Variants in C1QTNF3 observed in about 807,000 individuals in gnomAD.
The protein encoded by C1QTNF3 is C1q and TNF related 3.
In C1QTNF3, 26 loss-of-function variants were observed where a neutral mutation model predicts 32.6. That is an observed-to-expected ratio of 0.80 (90% CI 0.58 to 1.11). The LOEUF is 1.11. Ranked by LOEUF, C1QTNF3 falls within the 50% of genes least tolerant of loss-of-function variation. C1QTNF3 has a pLI of 0.00. For missense variants in C1QTNF3, 362 were observed against 398.2 expected, an observed-to-expected ratio of 0.91 and a Z score of 0.77; for synonymous variants, 155 against 146.0, an observed-to-expected ratio of 1.06 and a Z score of -0.44.
chr5:34,214,649 G>A, the C1QTNF3 span, among the ~76,000 whole-genome samples: 6 of 151,918 alleles, frequency 3.9e-5, no homozygotes, highest in African/African-American at 1.2e-4. Context: ...TCTCTTTATA[G>A]CAAAAACATA....
chr5:34,083,966 T>A, the C1QTNF3 span, among the ~76,000 whole-genome samples: 2 of 151,926 alleles, frequency 1.3e-5, no homozygotes, highest in South Asian at 2.1e-4. Context: ...TTTAAACCTC[T>A]GGGCAGTGTT....
the C1QTNF3 span, among the ~76,000 whole-genome samples, chr5:34,104,074 C>T: frequency 1.7e-5 from 2 of 118,540 alleles, no homozygotes; most frequent in African/African-American, 6.5e-5. Flanking sequence ...GAAGACCAAA[C>T]ATTTGGTATA....
chr5:34,035,813 A>AT, intron 1 of C1QTNF3, 55 bp from the exon 2 acceptor site: 1 of 1,358,552 alleles, frequency 7.4e-7, no homozygotes, highest in Non-Finnish European at 1.0e-6. Context: ...AGCAATTAGG[A>AT]TTTTTAAATT....
chr5:34,067,500 T>G, the C1QTNF3 span, among the ~76,000 whole-genome samples: 1 of 152,190 alleles, frequency 6.6e-6, no homozygotes, highest in South Asian at 2.1e-4. Context: ...ACATCTTACA[T>G]GAATGGCGGC....
chr5:34,125,534 A>G, the C1QTNF3 span, among the ~76,000 whole-genome samples: 20 of 152,064 alleles, frequency 1.3e-4, no homozygotes, highest in East Asian at 3.9e-3. Flanking sequence ...AGTTGTGAGG[A>G]GTTTCAGAAC....
the C1QTNF3 span, among the ~76,000 whole-genome samples, chr5:34,085,338 G>A: frequency 6.7e-6 from 1 of 150,296 alleles, no homozygotes; most frequent in African/African-American, 2.5e-5. Flanking sequence ...TTTCTATAAG[G>A]TATAAGAAGG....
the C1QTNF3 span, among the ~76,000 whole-genome samples, chr5:34,208,190 G>A: frequency 6.6e-6 from 1 of 152,210 alleles, no homozygotes; most frequent in African/African-American, 2.4e-5. Context: ...AAACTTGTCT[G>A]TAACACCTGA....
chr5:34,049,284 C>G, the C1QTNF3 span, among the ~76,000 whole-genome samples: 1 of 152,194 alleles, frequency 6.6e-6, no homozygotes, highest in Admixed American at 6.5e-5. Flanking sequence ...GCCTGAGTCT[C>G]AGCCCTGTAG....
the C1QTNF3 span, among the ~76,000 whole-genome samples, chr5:34,217,232 T>C: frequency 6.6e-6 from 1 of 152,170 alleles, no homozygotes. Flanking sequence ...TTTGAGGATA[T>C]GTTTATTAAC....
the C1QTNF3 span, among the ~76,000 whole-genome samples, chr5:34,182,474 C>T: frequency 1.2e-3 from 176 of 143,166 alleles, no homozygotes; most frequent in South Asian, 3.5e-3. Flanking sequence ...GAGACCATCA[C>T]AAATAAATAA....
At chr5:34,184,988 C>T in the C1QTNF3 span, among the ~76,000 whole-genome samples, 20 of 152,326 alleles carry the variant, frequency 1.3e-4, 1 homozygote, top group Admixed American at 3.3e-4. Context: ...TAGGTTTCAG[C>T]AAGCTACTGG....
chr5:34,068,376 C>A, the C1QTNF3 span, among the ~76,000 whole-genome samples: 1 of 151,928 alleles, frequency 6.6e-6, no homozygotes, highest in Admixed American at 6.6e-5. Flanking sequence ...GAGCTTTATA[C>A]TGTTTCTCCA....
chr5:34,130,051 A>G, the C1QTNF3 span, among the ~76,000 whole-genome samples: 1 of 151,718 alleles, frequency 6.6e-6, no homozygotes, highest in African/African-American at 2.4e-5. Context: ...GGCATCTGGG[A>G]GTTCATATGT....
the C1QTNF3 span, among the ~76,000 whole-genome samples, chr5:34,229,359 A>T: frequency 2.0e-5 from 3 of 152,084 alleles, no homozygotes. Flanking sequence ...AGCTGAAAGC[A>T]ATCAATAAAC....
the C1QTNF3 span, among the ~76,000 whole-genome samples, chr5:34,119,475 T>C: frequency 2.0e-5 from 3 of 152,186 alleles, no homozygotes; most frequent in Non-Finnish European, 4.4e-5. Context: ...GGAATCTCCC[T>C]TTTATAAACA....
rs1296316527 is a variant in C1QTNF3 at position 34,019,133 on chromosome 5, A to G, written c.*1450T>C. ...GCAGCGTGAAACTGTCTCAAAAAAA[A>G]AAAAGATTTAGAATTTGCAAGTTTG... is the stretch of plus-strand genomic sequence containing the variant. On this transcript the variant is annotated 3_prime_UTR_variant, in exon 6 of 6. Transcript: ENST00000382065. 1.3e-5 allele frequency among the ~76,000 whole-genome samples: 2 copies of G among 151,982 alleles called. No homozygotes were observed. The highest frequency in any genetic ancestry group is 1.3e-4 in the Admixed American group (2 of 15,260).
At chr5:34,036,769 T>C (rs887463195) in intron 1 of C1QTNF3, among the ~76,000 whole-genome samples, 14 of 152,072 alleles carry the variant, frequency 9.2e-5, no homozygotes, top group African/African-American at 3.4e-4. Context: ...CTGGCCAGCA[T>C]GGTGAAATCC....
At chr5:34,212,233 C>T in the C1QTNF3 span, among the ~76,000 whole-genome samples, 13 of 151,898 alleles carry the variant, frequency 8.6e-5, no homozygotes, top group South Asian at 1.0e-3. Context: ...CCCTTCCTTA[C>T]ACCTTATACA....
chr5:34,158,691 C>A, the C1QTNF3 span: 1 of 152,006 alleles, frequency 6.6e-6, no homozygotes, highest in Non-Finnish European at 1.5e-5. Flanking sequence ...TCATAGAATG[C>A]AGAAATTCCA....
Sources: gnomAD v4.1 joint callset for allele counts (sites outside exome capture counted in the v4.1 genomes callset) on GRCh38, gnomAD v4.1.1 for gene constraint, MANE v1.5 for transcripts, NCBI Gene and HGNC (gene_info 2026-07-23, HGNC 2026-07-21) for gene names.